SMAP1: variants seen among roughly 807,000 people sequenced by gnomAD.
The protein encoded by SMAP1 is small ArfGAP 1.
A neutral mutation model predicts 58.5 loss-of-function variants in SMAP1; 24 were observed. The ratio of observed to expected loss-of-function variants is 0.41; its 90% confidence interval spans 0.30 to 0.58. The LOEUF (loss-of-function observed/expected upper bound fraction) is 0.58. Ranked by LOEUF, SMAP1 falls within the 20% of genes least tolerant of loss-of-function variation. The pLI is 0.29. For missense variants in SMAP1, 563 were observed against 566.3 expected (o/e 0.99, Z 0.06); for synonymous variants, 216 against 196.6 (o/e 1.10, Z -0.82).
chr6:70,837,577 A>C (rs922472404), intron 7 of SMAP1, among the ~76,000 whole-genome samples: 1 of 151,952 alleles, frequency 6.6e-6, no homozygotes, highest in African/African-American at 2.4e-5. Context: ...GCTGAAAGGT[A>C]TATATTGTCT....
Position 70,861,379 on chromosome 6 carries a change from GGTATCTTGCA to G in SMAP1, c.*1051_*1060del, listed in dbSNP as rs2150019248. The G allele has an allele frequency of 2.8e-6, 1 of 353,972 alleles. No homozygotes were observed. Among genetic ancestry groups the G allele is most frequent in the African/African-American group, 2.0e-5 (1 of 49,392 alleles). 21.9% of individuals were successfully genotyped at this position (353,972 alleles called of 1,614,324 possible). On this transcript the variant is annotated 3_prime_UTR_variant, in exon 11 of 11. Transcript: ENST00000370455. Reference sequence around the variant, plus strand: ...AAAGAAAAAATATATACTCAAGAGTGGTATCTTGCAGTATCGGCACTGTACAAAAAAATCT... The same window carrying G: ...AAAGAAAAAATATATACTCAAGAGTGGTATCGGCACTGTACAAAAAAATCT...
intron 2 of SMAP1, among the ~76,000 whole-genome samples, chr6:70,745,712 A>AAGT (rs1766003723): frequency 6.6e-6 from 1 of 152,226 alleles, no homozygotes; most frequent in Non-Finnish European, 1.5e-5. Flanking sequence ...TCTGTGAAGA[A>AAGT]AGTCATTGGT....
chr6:70,803,525 G>A (rs1410891784), intron 6 of SMAP1, among the ~76,000 whole-genome samples: 1 of 151,808 alleles, frequency 6.6e-6, no homozygotes, highest in East Asian at 1.9e-4. Flanking sequence ...GTTATTTCTT[G>A]CCTTCTACTA....
At chr6:70,699,940 T>C (rs1582023602) in intron 1 of SMAP1, among the ~76,000 whole-genome samples, 1 of 151,894 alleles carries the variant, frequency 6.6e-6, no homozygotes, top group African/African-American at 2.4e-5. Flanking sequence ...GTCCCCGTTA[T>C]TCTTCCCTTT....
At chr6:70,766,745 A>T (rs762990587) in intron 3 of SMAP1, among the ~76,000 whole-genome samples, 33 of 152,104 alleles carry the variant, frequency 2.2e-4, no homozygotes, top group Non-Finnish European at 3.8e-4. Flanking sequence ...AAGCTCTTTA[A>T]TTTAATTAGA....
chr6:70,754,623 G>A (rs1344372641), intron 2 of SMAP1, among the ~76,000 whole-genome samples: 3 of 152,042 alleles, frequency 2.0e-5, no homozygotes, highest in Non-Finnish European at 4.4e-5. Flanking sequence ...CCCTGGAAAC[G>A]GGAGCATTGT....
intron 5 of SMAP1, among the ~76,000 whole-genome samples, chr6:70,797,986 CATT>C (rs578129214): frequency 1.2e-3 from 185 of 152,136 alleles, no homozygotes; most frequent in Middle Eastern, 3.4e-3. Flanking sequence ...AAGTTTTTAA[CATT>C]ATATCTAATC....
chr6:70,791,799 T>G, intron 5 of SMAP1, 30 bp downstream of exon 5: 1 of 1,574,762 alleles, frequency 6.4e-7, no homozygotes, highest in South Asian at 1.1e-5. Flanking sequence ...AGCTACATTA[T>G]GTAGTGTTAA....
chr6:70,677,715 G>T (rs1016860421), intron 1 of SMAP1, among the ~76,000 whole-genome samples: 3 of 152,142 alleles, frequency 2.0e-5, no homozygotes, highest in Admixed American at 6.5e-5. Flanking sequence ...GATATGGATT[G>T]TCATCAAACT....
intron 6 of SMAP1, among the ~76,000 whole-genome samples, chr6:70,821,069 C>G (rs1225452874): frequency 2.6e-5 from 4 of 151,972 alleles, no homozygotes; most frequent in Admixed American, 1.3e-4. Context: ...GGATTTCCCC[C>G]CCTCCCTGCC....
chr6:70,828,121 T>G (rs1770211716), intron 6 of SMAP1, among the ~76,000 whole-genome samples: 1 of 152,166 alleles, frequency 6.6e-6, no homozygotes, highest in Admixed American at 6.5e-5. Context: ...ATAGTAATTA[T>G]AGCTATCAAT....
rs79062300 is a variant in SMAP1, at chr6:70,669,985, G to C, written c.118+1844G>C. Among the ~76,000 whole-genome samples the C allele has an allele frequency of 2.7e-4, 41 of 151,832 alleles. No homozygotes were observed. The East Asian group carries it at 7.3e-3, about 27-fold the overall frequency. On this transcript the variant is annotated intron_variant, in intron 1 of 10. Transcript: ENST00000370455. ...TTTTTTTATTTACTCTTTTGAGGTG[G>C]GGAGAAGAGAATCATGTACTTCTTA...
chr6:70,676,975 G>A (rs941198807), intron 1 of SMAP1, among the ~76,000 whole-genome samples: 33 of 151,896 alleles, frequency 2.2e-4, no homozygotes, highest in Middle Eastern at 3.4e-3. Flanking sequence ...TGTTGGGTGT[G>A]GTGGGGAGGG....
At chr6:70,780,849 CT>C (rs1030674399) in intron 4 of SMAP1, among the ~76,000 whole-genome samples, 1 of 152,154 alleles carries the variant, frequency 6.6e-6, no homozygotes, top group African/African-American at 2.4e-5. Flanking sequence ...TTCTTTGTTA[CT>C]TCTTTTCATT....
chr6:70,766,399 C>G (rs1415868677), intron 3 of SMAP1, among the ~76,000 whole-genome samples: 1 of 152,190 alleles, frequency 6.6e-6, no homozygotes, highest in East Asian at 1.9e-4. Flanking sequence ...ACATCCTCTC[C>G]AGCACCTGTT....
chr6:70,688,841 A>G (rs1002335770), intron 1 of SMAP1, among the ~76,000 whole-genome samples: 4 of 152,104 alleles, frequency 2.6e-5, no homozygotes, highest in African/African-American at 4.8e-5. Context: ...TCTAAGTACA[A>G]TTTGCCTAAC....
intron 1 of SMAP1, among the ~76,000 whole-genome samples, chr6:70,721,825 G>A (rs746733975): frequency 8.5e-5 from 13 of 152,106 alleles, no homozygotes; most frequent in African/African-American, 1.2e-4. Flanking sequence ...TGATAAACCC[G>A]TCAGATTTCG....
At chr6:70,811,618 C>T (rs1055596754) in intron 6 of SMAP1, among the ~76,000 whole-genome samples, 1 of 152,076 alleles carries the variant, frequency 6.6e-6, no homozygotes, top group Non-Finnish European at 1.5e-5. Context: ...ATATTCAAGT[C>T]CCTTATTTAA....
intron 6 of SMAP1, among the ~76,000 whole-genome samples, chr6:70,832,514 A>T (rs935643652): frequency 6.6e-6 from 1 of 152,196 alleles, no homozygotes; most frequent in African/African-American, 2.4e-5. Flanking sequence ...GGCAGTATCT[A>T]TGCAAAGATT....
Sources: gnomAD v4.1 joint callset for allele counts (sites outside exome capture counted in the v4.1 genomes callset) on GRCh38, gnomAD v4.1.1 for gene constraint, MANE v1.5 for transcripts, NCBI Gene and HGNC (gene_info 2026-07-23, HGNC 2026-07-21) for gene names.